GALNT13: variants seen among roughly 807,000 people sequenced by gnomAD.
The protein encoded by GALNT13 is UDP-GalNAc:polypeptide N-acetylgalactosaminyltransferase 13.
In GALNT13, 28 loss-of-function variants were observed where a neutral mutation model predicts 64.2. That is an observed-to-expected ratio of 0.44 (90% CI 0.32 to 0.60). The LOEUF is 0.60. Among genes scored for constraint, GALNT13 ranks in the 20% least tolerant of loss-of-function variants. The pLI, the probability that GALNT13 is intolerant of heterozygous loss-of-function variation, is 0.05. For missense variants in GALNT13, 577 were observed against 669.8 expected, an observed-to-expected ratio of 0.86 and a Z score of 1.53; for synonymous variants, 214 against 224.6, an observed-to-expected ratio of 0.95 and a Z score of 0.42.
At chr2:153,086,759 G>A in the GALNT13 span, among the ~76,000 whole-genome samples, 1 of 147,972 alleles carries the variant, frequency 6.8e-6, no homozygotes, top group Non-Finnish European at 1.5e-5. Flanking sequence ...AGCTGTTGTT[G>A]GGTTCTTGAT....
the GALNT13 span, among the ~76,000 whole-genome samples, chr2:153,197,475 G>A: frequency 6.6e-6 from 1 of 152,242 alleles, no homozygotes; most frequent in Admixed American, 6.5e-5. Context: ...AGCTCCTTAG[G>A]TGTGTGTGCC....
the GALNT13 span, among the ~76,000 whole-genome samples, chr2:153,701,677 T>C: frequency 1.3e-5 from 2 of 152,006 alleles, no homozygotes; most frequent in African/African-American, 2.4e-5. Context: ...GCAAAGGATA[T>C]GAACAGACAC....
intron 10 of GALNT13, among the ~76,000 whole-genome samples, chr2:154,398,717 C>T (rs975685303): frequency 1.3e-5 from 2 of 152,176 alleles, no homozygotes; most frequent in Admixed American, 6.5e-5. Context: ...CTCTCTACTA[C>T]CTCTGTCAAC....
the GALNT13 span, among the ~76,000 whole-genome samples, chr2:153,569,843 C>G: frequency 2.6e-5 from 4 of 152,124 alleles, no homozygotes; most frequent in African/African-American, 9.7e-5. Context: ...CAATCCCACA[C>G]TACCCTACCC....
At chr2:154,239,851 A>T (rs1371765807) in intron 4 of GALNT13, among the ~76,000 whole-genome samples, 1 of 152,210 alleles carries the variant, frequency 6.6e-6, no homozygotes, top group East Asian at 1.9e-4. Flanking sequence ...TTAAAAAATA[A>T]TGAAGATCTT....
At chr2:153,212,103 A>G in the GALNT13 span, among the ~76,000 whole-genome samples, 1 of 152,238 alleles carries the variant, frequency 6.6e-6, no homozygotes, top group Non-Finnish European at 1.5e-5. Flanking sequence ...TCCTAAGACC[A>G]GCACATCCTA....
the GALNT13 span, among the ~76,000 whole-genome samples, chr2:153,122,339 T>C: frequency 3.3e-5 from 5 of 152,090 alleles, no homozygotes; most frequent in African/African-American, 1.2e-4. Context: ...GTTGCTATTT[T>C]TTATCCCCCA....
intron 9 of GALNT13, among the ~76,000 whole-genome samples, chr2:154,386,486 T>C (rs141997329): frequency 1.3e-5 from 2 of 152,200 alleles, no homozygotes; most frequent in East Asian, 3.9e-4. Flanking sequence ...AAGACAAATA[T>C]AACTTTCTCA....
the GALNT13 span, among the ~76,000 whole-genome samples, chr2:153,122,870 A>G: frequency 4.6e-5 from 7 of 152,108 alleles, no homozygotes; most frequent in Admixed American, 4.6e-4. Flanking sequence ...AATGTGACTT[A>G]TTTGGAAATA....
At chr2:153,844,236 A>G in the GALNT13 span, among the ~76,000 whole-genome samples, 1 of 152,178 alleles carries the variant, frequency 6.6e-6, no homozygotes, top group Non-Finnish European at 1.5e-5. Flanking sequence ...TACATCCTGT[A>G]AAATCTAGGC....
At position 154,154,063 on chromosome 2, in the gene GALNT13, C is replaced by T. The variant is rs148774741; in HGVS notation, c.311+13558C>T. ...GCTGTAGACCAGAGCTGTTCCTATT[C>T]GGCCATCTTGGCTGCTTCAGTGTGT... is the stretch of plus-strand genomic sequence containing the variant. On this transcript the variant is annotated intron_variant, in intron 4 of 12. Coordinates refer to ENST00000392825, the MANE Select transcript of GALNT13 (RefSeq NM_052917.4). 2.4e-3 allele frequency among the ~76,000 whole-genome samples: 369 copies of T among 152,248 alleles called. 9 individuals are homozygous for T. In the East Asian group the frequency reaches 0.055, roughly 23 times the overall value.
chr2:153,373,336 AT>A, the GALNT13 span, among the ~76,000 whole-genome samples: 1 of 152,192 alleles, frequency 6.6e-6, no homozygotes, highest in African/African-American at 2.4e-5. Flanking sequence ...TTATTAAAAA[AT>A]ATGTATAAAT....
chr2:153,301,726 G>A, the GALNT13 span, among the ~76,000 whole-genome samples: 544 of 152,114 alleles, frequency 3.6e-3, 5 homozygotes, highest in African/African-American at 0.012. Flanking sequence ...CTGCTTCCAC[G>A]AGTTCTAAAA....
chr2:153,885,881 A>T (rs1687139932), intron 1 of GALNT13, among the ~76,000 whole-genome samples: 1 of 152,090 alleles, frequency 6.6e-6, no homozygotes, highest in African/African-American at 2.4e-5. Flanking sequence ...TCCCACAAAA[A>T]AATTTACTAA....
chr2:153,518,427 A>G, the GALNT13 span, among the ~76,000 whole-genome samples: 3 of 152,296 alleles, frequency 2.0e-5, no homozygotes, highest in East Asian at 3.9e-4. Flanking sequence ...GAGAATGAAT[A>G]AGTGGAGAAA....
At chr2:153,444,230 T>G in the GALNT13 span, among the ~76,000 whole-genome samples, 1 of 152,156 alleles carries the variant, frequency 6.6e-6, no homozygotes, top group African/African-American at 2.4e-5. Flanking sequence ...CCTACCTGCT[T>G]ACACAACTAC....
chr2:153,248,492 G>A, the GALNT13 span, among the ~76,000 whole-genome samples: 1 of 133,238 alleles, frequency 7.5e-6, no homozygotes, highest in East Asian at 2.0e-4. Flanking sequence ...TGCAGAAAAG[G>A]CGTGAGATAA....
At chr2:153,322,104 G>T in the GALNT13 span, among the ~76,000 whole-genome samples, 4 of 151,802 alleles carry the variant, frequency 2.6e-5, no homozygotes, top group Non-Finnish European at 5.9e-5. Context: ...TGATGCTAAG[G>T]TTTGGATTAC....
At chr2:154,153,175 T>C (rs1347804584) in intron 4 of GALNT13, among the ~76,000 whole-genome samples, 2 of 152,216 alleles carry the variant, frequency 1.3e-5, no homozygotes, top group East Asian at 3.9e-4. Flanking sequence ...TGCAGGTCTG[T>C]TGGAGTTTGC....
Sources: gnomAD v4.1 joint callset for allele counts (sites outside exome capture counted in the v4.1 genomes callset) on GRCh38, gnomAD v4.1.1 for gene constraint, MANE v1.5 for transcripts, NCBI Gene and HGNC (gene_info 2026-07-23, HGNC 2026-07-21) for gene names.